Variants in AFF3 observed in about 807,000 individuals in gnomAD.
AFF3 encodes ALF transcription elongation factor 3, also known as AF4/FMR2 family member 3.
A neutral mutation model predicts 129.7 loss-of-function variants in AFF3; 32 were observed. That is an observed-to-expected ratio of 0.25 (90% confidence interval 0.19 to 0.33). The LOEUF is 0.33. Ranked by LOEUF, AFF3 falls within the 10% of genes least tolerant of loss-of-function variation. AFF3 has a pLI of 1.00. For synonymous variants in AFF3, 644 were observed against 635.4 expected (o/e 1.01, Z -0.20); for missense variants, 1,373 against 1,592.0 (o/e 0.86, Z 2.34).
intron 7 of AFF3, among the ~76,000 whole-genome samples, chr2:99,884,615 G>A (rs1692970219): frequency 6.6e-6 from 1 of 152,078 alleles, no homozygotes. Context: ...TGTTGGCCAG[G>A]CTAGTCTCAA....
intron 7 of AFF3, among the ~76,000 whole-genome samples, chr2:99,870,003 T>C (rs1340429700): frequency 1.3e-5 from 2 of 152,230 alleles, no homozygotes. Flanking sequence ...TGTGTTTCCT[T>C]AACATCTGCT....
chr2:99,982,689 T>C (rs1161843637), intron 7 of AFF3, among the ~76,000 whole-genome samples: 1 of 152,200 alleles, frequency 6.6e-6, no homozygotes, highest in Non-Finnish European at 1.5e-5. Context: ...CCCCTCATGC[T>C]ATGGACCCAG....
intron 16 of AFF3, among the ~76,000 whole-genome samples, chr2:99,583,243 CGACTAA>C (rs1677758369): frequency 6.6e-6 from 1 of 152,200 alleles, no homozygotes; most frequent in Non-Finnish European, 1.5e-5. Context: ...CCAAAGTACA[CGACTAA>C]GACTAATAAC....
intron 1 of AFF3, among the ~76,000 whole-genome samples, chr2:100,131,178 G>T (rs1023198363): frequency 2.0e-5 from 3 of 152,198 alleles, no homozygotes; most frequent in African/African-American, 7.2e-5. Context: ...CTGAGAAAGT[G>T]CTGGTTTAGT....
chr2:99,761,800 C>G (rs1682620175), intron 8 of AFF3, among the ~76,000 whole-genome samples: 1 of 152,204 alleles, frequency 6.6e-6, no homozygotes, highest in Non-Finnish European at 1.5e-5. Flanking sequence ...AGAGTTCCAT[C>G]TCGAACACTT....
intron 11 of AFF3, among the ~76,000 whole-genome samples, chr2:99,684,074 A>AG (rs775443911): frequency 2.0e-4 from 31 of 152,160 alleles, no homozygotes; most frequent in Non-Finnish European, 3.8e-4. Context: ...CATGGACTGT[A>AG]GGGGGAGAAT....
chr2:99,942,828 C>T (rs1675184738), intron 7 of AFF3, among the ~76,000 whole-genome samples: 1 of 152,080 alleles, frequency 6.6e-6, no homozygotes, highest in Non-Finnish European at 1.5e-5. Context: ...CCCACCCTCT[C>T]CACCCACCTG....
chr2:99,551,097 G>T lies in AFF3; in HGVS notation c.*377C>A, dbSNP rs1200140086. 2 of 419,030 alleles carry T rather than the reference G, an allele frequency of 4.8e-6. No homozygotes were observed. Among genetic ancestry groups the T allele is most frequent in the Non-Finnish European group, 8.4e-6 (2 of 236,970 alleles). The allele number at this position is 419,030 out of a possible 1,614,324, so 26.0% of individuals were successfully genotyped here. On this transcript the variant is annotated 3_prime_UTR_variant, in exon 25 of 25. Transcript: ENST00000672756. ...TTGGTTGAATTTTCTAAGAAGTCAC[G>T]GTTTAGCACTGGAATGGAATAGAAA...
chr2:99,799,057 A>G (rs534839540), intron 8 of AFF3, among the ~76,000 whole-genome samples: 2 of 152,098 alleles, frequency 1.3e-5, no homozygotes, highest in Non-Finnish European at 2.9e-5. Flanking sequence ...TATAAATTAC[A>G]TATCTATATG....
chr2:99,970,912 T>C (rs1431463169), intron 7 of AFF3, among the ~76,000 whole-genome samples: 1 of 152,234 alleles, frequency 6.6e-6, no homozygotes, highest in Non-Finnish European at 1.5e-5. Context: ...TTCTCCATGC[T>C]CACAAGGCTT....
intron 7 of AFF3, among the ~76,000 whole-genome samples, chr2:99,937,561 G>A (rs1428938480): frequency 6.6e-6 from 1 of 152,084 alleles, no homozygotes; most frequent in African/African-American, 2.4e-5. Context: ...ACCACGCCCA[G>A]CTAATTTTTG....
intron 4 of AFF3, among the ~76,000 whole-genome samples, chr2:100,022,241 T>C (rs771591638): frequency 8.5e-5 from 13 of 152,218 alleles, no homozygotes; most frequent in Non-Finnish European, 1.3e-4. Context: ...ACAAATATTT[T>C]ACTTGATTCC....
At chr2:99,622,838 G>A (rs1682158336) in intron 13 of AFF3, among the ~76,000 whole-genome samples, 1 of 152,224 alleles carries the variant, frequency 6.6e-6, no homozygotes. Context: ...GCCCTGGCTG[G>A]GCATGGGCAC....
At chr2:99,866,988 TAATAATAATAATAAA>T (rs1303501039) in intron 7 of AFF3, among the ~76,000 whole-genome samples, 19 of 106,718 alleles carry the variant, frequency 1.8e-4, no homozygotes, top group African/African-American at 4.3e-4. Context: ...ATAATAATAA[TAATAATAATAATAAA>T]AAATAAATAA....
At chr2:99,627,424 G>GT (rs920544746) in intron 13 of AFF3, among the ~76,000 whole-genome samples, 12 of 151,488 alleles carry the variant, frequency 7.9e-5, no homozygotes, top group Admixed American at 2.0e-4. Flanking sequence ...TAATAGGGTT[G>GT]TTTTTTTCTT....
chr2:99,621,645 G>GT (rs1269313910), intron 13 of AFF3, among the ~76,000 whole-genome samples: 1 of 152,192 alleles, frequency 6.6e-6, no homozygotes, highest in Non-Finnish European at 1.5e-5. Flanking sequence ...CTAGAATAAT[G>GT]TTTAAGAGAA....
intron 8 of AFF3, among the ~76,000 whole-genome samples, chr2:99,827,439 A>G (rs1476638346): frequency 6.6e-6 from 1 of 152,106 alleles, no homozygotes; most frequent in African/African-American, 2.4e-5. Flanking sequence ...AATGCCTGCC[A>G]GAGATCACAT....
At chr2:100,136,284 C>G (rs111242984) in intron 1 of AFF3, among the ~76,000 whole-genome samples, 1 of 151,982 alleles carries the variant, frequency 6.6e-6, no homozygotes, top group African/African-American at 2.4e-5. Context: ...GCAGGGCCAT[C>G]GGGGGACTGG....
intron 13 of AFF3, among the ~76,000 whole-genome samples, chr2:99,637,405 C>T (rs991872352): frequency 2.0e-5 from 3 of 152,218 alleles, no homozygotes; most frequent in East Asian, 1.9e-4. Context: ...GAAACACATA[C>T]GGGCACTGAA....
Sources: gnomAD v4.1 joint callset for allele counts (sites outside exome capture counted in the v4.1 genomes callset) on GRCh38, gnomAD v4.1.1 for gene constraint, MANE v1.5 for transcripts, NCBI Gene and HGNC (gene_info 2026-07-23, HGNC 2026-07-21) for gene names.